Variants in IGSF10 observed in about 807,000 individuals in gnomAD.
IGSF10 encodes immunoglobulin superfamily member 10, also known as calvaria mechanical force protein 608.
Under a neutral mutation model 128.2 loss-of-function variants are expected in IGSF10, and 126 were observed. The ratio of observed to expected loss-of-function variants is 0.98; its 90% CI spans 0.85 to 1.14. The LOEUF (loss-of-function observed/expected upper bound fraction) is 1.14, where lower values mean the gene tolerates loss of function less well. IGSF10 is among the 50% of genes most tolerant of loss of function. IGSF10 has a pLI of 0.00. For missense variants in IGSF10, 3,295 were observed against 3,149.8 expected (o/e 1.05, Z -1.10); for synonymous variants, 1,185 against 1,146.2 (o/e 1.03, Z -0.68).
At chr3:151,560,703 C>CG in the IGSF10 span, among the ~76,000 whole-genome samples, 3 of 39,646 alleles carry the variant, frequency 7.6e-5, no homozygotes, top group African/African-American at 1.8e-4. Flanking sequence ...ATTGCCATAG[C>CG]CCCCCCCTCC....
chr3:151,467,063 T>G, the IGSF10 span, among the ~76,000 whole-genome samples: 2 of 152,080 alleles, frequency 1.3e-5, no homozygotes, highest in African/African-American at 4.8e-5. Context: ...AAAGACTAAA[T>G]GAATCAAAAA....
the IGSF10 span, among the ~76,000 whole-genome samples, chr3:151,606,487 T>TTTC: frequency 6.6e-6 from 1 of 152,226 alleles, no homozygotes. Context: ...TGTACCCATA[T>TTTC]TTCTACAACA....
In IGSF10 at chr3:151,443,210, C is replaced by T. The variant is rs368549879; in HGVS notation, c.5737G>A (p.Gly1913Ser). 4.3e-6 allele frequency: 7 copies of T among 1,613,902 alleles called. No individual in the cohort carries two copies. The highest frequency in any genetic ancestry group is 5.1e-6 in the Non-Finnish European group (6 of 1,179,922). Reference protein sequence around the residue: ...YIRNLASSDRGTYECIATSST... With the variant: ...YIRNLASSDRSTYECIATSST... ...CTGGTAGCAATGCATTCATAAGTGC[C>T]CCTGTCTGAAGAGGCTAGGTTTCTT... Residue 1913 changes from glycine (G) to serine (S), a missense_variant, in exon 7 of 8, where the codon GGC becomes AGC. Transcript: ENST00000282466.
At chr3:151,466,146 T>A in the IGSF10 span, among the ~76,000 whole-genome samples, 1 of 152,238 alleles carries the variant, frequency 6.6e-6, no homozygotes, top group Non-Finnish European at 1.5e-5. Flanking sequence ...AATTAAACTT[T>A]GTCAAATTTA....
chr3:151,490,524 A>G, the IGSF10 span, among the ~76,000 whole-genome samples: 1 of 151,482 alleles, frequency 6.6e-6, no homozygotes, highest in African/African-American at 2.4e-5. Flanking sequence ...TTTTTTACCA[A>G]AAAGACCTAA....
the IGSF10 span, among the ~76,000 whole-genome samples, chr3:151,512,636 G>A: frequency 6.6e-6 from 1 of 151,942 alleles, no homozygotes; most frequent in Admixed American, 6.6e-5. Context: ...AGGAAATAGA[G>A]ACACAAAAAA....
the IGSF10 span, among the ~76,000 whole-genome samples, chr3:151,552,674 A>T: frequency 6.6e-6 from 1 of 152,162 alleles, no homozygotes; most frequent in Admixed American, 6.5e-5. Context: ...AGTCACATGC[A>T]TCCTCTCTTA....
the IGSF10 span, among the ~76,000 whole-genome samples, chr3:151,468,923 T>C: frequency 1.3e-5 from 2 of 152,160 alleles, no homozygotes; most frequent in Non-Finnish European, 2.9e-5. Context: ...GTGTATGTTG[T>C]TCCCCTCCCT....
Position 151,446,486 on chromosome 3 carries a change from C to T in IGSF10, c.3495G>A (p.Val1165=), listed in dbSNP as rs772004902. 1 of 1,614,210 alleles carries T rather than the reference C, an allele frequency of 6.2e-7. No individual in the cohort carries two copies. Among genetic ancestry groups the T allele is most frequent in the Non-Finnish European group, 8.5e-7 (1 of 1,180,044 alleles). The change falls in exon 6 of 8, where the codon GTG becomes GTA. Residue 1165 remains valine (V), a synonymous_variant. Transcript: ENST00000282466. Reference sequence around the variant, plus strand: ...CTCTTTTAGCTTCATTGGTGCTAGACACACGTGGGTAACTGGCGTTTACTT... The same window carrying T: ...CTCTTTTAGCTTCATTGGTGCTAGATACACGTGGGTAACTGGCGTTTACTT... ...THKVNASYPR[V]SSTNEAKRDS... is the part of the protein sequence containing the mutation.
At chr3:151,598,450 C>T in the IGSF10 span, among the ~76,000 whole-genome samples, 1 of 152,174 alleles carries the variant, frequency 6.6e-6, no homozygotes, top group Admixed American at 6.5e-5. Flanking sequence ...CAAATGCAGT[C>T]ATCTGTGAGT....
chr3:151,490,433 G>C, the IGSF10 span, among the ~76,000 whole-genome samples: 1 of 151,134 alleles, frequency 6.6e-6, no homozygotes, highest in Admixed American at 6.6e-5. Context: ...GGGGAATTTT[G>C]ATATCCCATA....
the IGSF10 span, among the ~76,000 whole-genome samples, chr3:151,532,547 C>G: frequency 6.6e-6 from 1 of 152,036 alleles, no homozygotes; most frequent in Non-Finnish European, 1.5e-5. Context: ...AAACATAATC[C>G]ATCGCATAAG....
the IGSF10 span, among the ~76,000 whole-genome samples, chr3:151,534,647 C>G: frequency 2.0e-5 from 3 of 150,092 alleles, no homozygotes; most frequent in Admixed American, 6.7e-5. Context: ...CACACTGGGG[C>G]CTGTCATGGG....
At chr3:151,463,528 T>TTTTTTTG (rs1560185442), upstream of IGSF10, among the ~76,000 whole-genome samples, 48 of 56,726 alleles carry the variant, frequency 8.5e-4, 2 homozygotes, top group African/African-American at 2.2e-3. Flanking sequence ...TTCTGGTTTT[T>TTTTTTTG]TTTTTTTTTT....
chr3:151,458,684 G>C lies in IGSF10; in HGVS notation c.26C>G (p.Thr9Ser). ...CACAGCAAAGGAGACCAGCAAGCAG[G>C]TGATTCCTCTGCCTTTTACCTTCAT... MKVKGRGI[T>S]CLLVSFAVIC... is the part of the protein sequence containing the mutation. The change falls in exon 3 of 8, where the codon ACC becomes AGC. Residue 9 changes from threonine (T) to serine (S), a missense_variant. By Grantham distance (58) the Thr-to-Ser change is moderately conservative. Coordinates refer to ENST00000282466, the MANE Select transcript of IGSF10 (RefSeq NM_178822.5). 6.2e-7 allele frequency: 1 copy of C among 1,613,824 alleles called. No individual in the cohort carries two copies.
chr3:151,558,006 A>ATATATATATAATATAGATAT, the IGSF10 span, among the ~76,000 whole-genome samples: 1 of 26,670 alleles, frequency 3.7e-5, no homozygotes, highest in African/African-American at 1.3e-4. Context: ...AGTATATATA[A>ATATATATATAATATAGATAT]TATATATATA....
At chr3:151,531,473 TAAC>T in the IGSF10 span, among the ~76,000 whole-genome samples, 2 of 152,136 alleles carry the variant, frequency 1.3e-5, no homozygotes, top group Non-Finnish European at 2.9e-5. Flanking sequence ...ATGGAAATCA[TAAC>T]AAACAGTCTC....
chr3:151,577,234 T>C, the IGSF10 span, among the ~76,000 whole-genome samples: 1 of 152,180 alleles, frequency 6.6e-6, no homozygotes, highest in Non-Finnish European at 1.5e-5. Flanking sequence ...TTGAGCATAG[T>C]CTTATAATCT....
At chr3:151,480,814 C>G in the IGSF10 span, among the ~76,000 whole-genome samples, 2 of 152,088 alleles carry the variant, frequency 1.3e-5, no homozygotes, top group African/African-American at 4.8e-5. Flanking sequence ...CCCACCCCTG[C>G]AGACCCAGAG....
Sources: gnomAD v4.1 joint callset for allele counts (sites outside exome capture counted in the v4.1 genomes callset) on GRCh38, gnomAD v4.1.1 for gene constraint, MANE v1.5 for transcripts, NCBI Gene and HGNC (gene_info 2026-07-23, HGNC 2026-07-21) for gene names.